FYB2: variants seen among roughly 807,000 people sequenced by gnomAD.
FYB2 encodes FYN binding protein 2, also known as FYN-binding protein 2.
FYB2 carries 103 observed loss-of-function variants against 94.1 expected under a neutral mutation model. The observed-to-expected ratio is 1.09, with a 90% CI of 0.93 to 1.29. The LOEUF (loss-of-function observed/expected upper bound fraction) is 1.29. FYB2 is among the 50% of genes most tolerant of loss of function. FYB2 has a pLI of 0.00. For missense variants in FYB2, 896 were observed against 841.5 expected (o/e 1.06, Z -0.80); for synonymous variants, 293 against 287.9 (o/e 1.02, Z -0.18).
intron 9 of FYB2, among the ~76,000 whole-genome samples, chr1:56,746,833 C>A (rs1235403429): frequency 6.6e-6 from 1 of 151,970 alleles, no homozygotes; most frequent in Non-Finnish European, 1.5e-5. Context: ...ATTGCTAGGT[C>A]ATAGGATATG....
chr1:56,826,810 C>A, the FYB2 span: 6 of 152,196 alleles, frequency 3.9e-5, no homozygotes, highest in African/African-American at 1.4e-4. Context: ...GGCAGTTTCC[C>A]AAGGGCCCCC....
At chr1:56,815,452 C>A (rs1249617968) in intron 1 of FYB2, among the ~76,000 whole-genome samples, 1 of 152,156 alleles carries the variant, frequency 6.6e-6, no homozygotes, top group Non-Finnish European at 1.5e-5. Flanking sequence ...CAAAGCTGAA[C>A]AACTAGATGG....
chr1:56,765,511 A>G (rs748337278), intron 5 of FYB2, among the ~76,000 whole-genome samples: 3 of 152,176 alleles, frequency 2.0e-5, no homozygotes, highest in Non-Finnish European at 4.4e-5. Context: ...CTCCCCATTC[A>G]GCATTGCTGT....
intron 5 of FYB2, chr1:56,761,992 A>G (rs1645505746): frequency 6.6e-6 from 1 of 151,366 alleles, no homozygotes; most frequent in Admixed American, 6.6e-5. Context: ...TGTTTCTTCT[A>G]TTGAGCTGCC....
chr1:56,754,631 C>T (rs1046400469), intron 7 of FYB2, among the ~76,000 whole-genome samples: 3 of 152,038 alleles, frequency 2.0e-5, no homozygotes, highest in African/African-American at 7.2e-5. Flanking sequence ...CTGGTTTTTG[C>T]ACCTCACTTC....
rs202073337 is a variant in FYB2, at chr1:56,792,189, G to A, written c.624C>T (p.Asn208=). The part of the protein sequence containing the change: ...KHVVAPKILH[N]VSEDPSFVIS... ...TTACAAAAGAGGGATCTTCAGAGAC[G>A]TTATGTAATATTTTGGGGGCCACCA... Residue 208 remains asparagine, a synonymous_variant, in exon 2 of 20, where the codon AAC becomes AAT. Transcript: ENST00000343433. 80 of 1,614,056 alleles carry A rather than the reference G, an allele frequency of 5.0e-5. No individual in the cohort carries two copies. Among genetic ancestry groups the A allele is most frequent in the South Asian group, 2.2e-4 (20 of 91,046 alleles).
chr1:56,823,132 A>G (rs1413444912), upstream of FYB2, among the ~76,000 whole-genome samples: 1 of 152,152 alleles, frequency 6.6e-6, no homozygotes, highest in East Asian at 1.9e-4. Context: ...AAGAGATGCT[A>G]TCTCTGGTTG....
chr1:56,755,749 C>T, intron 7 of FYB2, 147 bp downstream of exon 7: 1 of 714,544 alleles, frequency 1.4e-6, no homozygotes, highest in Non-Finnish European at 2.4e-6. Flanking sequence ...ATCACTTCCT[C>T]TGTACTAGGC....
chr1:56,824,454 T>C (rs1386978298), upstream of FYB2: 1 of 152,166 alleles, frequency 6.6e-6, no homozygotes, highest in Non-Finnish European at 1.5e-5. Context: ...ACCATAGCAA[T>C]TGGTATGTGA....
chr1:56,744,096 T>A (rs1645017432), intron 10 of FYB2, 30 bp from the exon 11 acceptor site: 1 of 1,612,604 alleles, frequency 6.2e-7, no homozygotes, highest in Non-Finnish European at 8.5e-7. Context: ...AGACCATTAT[T>A]GTACCTTTAA....
At chr1:56,814,334 C>A (rs565981806) in intron 1 of FYB2, among the ~76,000 whole-genome samples, 65 of 152,298 alleles carry the variant, frequency 4.3e-4, no homozygotes, top group Non-Finnish European at 6.6e-4. Flanking sequence ...TGGCAGTAGA[C>A]TGACATGATC....
At chr1:56,757,809 G>T (rs989200069) in intron 6 of FYB2, among the ~76,000 whole-genome samples, 1 of 143,368 alleles carries the variant, frequency 7.0e-6, no homozygotes, top group Non-Finnish European at 1.5e-5. Flanking sequence ...TCTGTCTACT[G>T]CCCAGGCTAA....
At chr1:56,766,473 G>T (rs974453545) in intron 5 of FYB2, among the ~76,000 whole-genome samples, 2 of 150,458 alleles carry the variant, frequency 1.3e-5, no homozygotes, top group Admixed American at 1.3e-4. Context: ...TCGCTCTGTC[G>T]CCTAGGCTGG....
chr1:56,775,083 T>C (rs1645845113), intron 4 of FYB2, among the ~76,000 whole-genome samples: 1 of 152,116 alleles, frequency 6.6e-6, no homozygotes, highest in African/African-American at 2.4e-5. Context: ...AGATGGCCTA[T>C]TGTGGGACTT....
At chr1:56,753,595 G>A (rs905614900) in intron 8 of FYB2, among the ~76,000 whole-genome samples, 3 of 152,058 alleles carry the variant, frequency 2.0e-5, no homozygotes, top group Non-Finnish European at 4.4e-5. Flanking sequence ...TTGCACCCTG[G>A]GTTTCTTGTT....
chr1:56,802,521 T>G (rs1325375587), intron 1 of FYB2, among the ~76,000 whole-genome samples: 1 of 152,108 alleles, frequency 6.6e-6, no homozygotes, highest in Non-Finnish European at 1.5e-5. Context: ...ATCAAGACAT[T>G]TTAGGCTAAA....
chr1:56,720,852 C>T (rs1569833007), intron 17 of FYB2: 1 of 152,606 alleles, frequency 6.6e-6, no homozygotes, highest in East Asian at 1.9e-4. Context: ...GAGGTTGTAA[C>T]ATAGGTATGA....
Position 56,742,146 on chromosome 1 carries a change from AAG to A in FYB2, c.1604+13_1604+14del, listed in dbSNP as rs1644969495. 6.3e-7 allele frequency: 1 copy of A among 1,596,924 alleles called. No homozygotes were observed. Among genetic ancestry groups the A allele is most frequent in the Non-Finnish European group, 8.6e-7 (1 of 1,166,764 alleles). On this transcript the variant is annotated intron_variant, in intron 12 of 19. Transcript: ENST00000343433. Reference sequence around the variant, plus strand: ...AAGTCATTAGCCTACAAAGCCAAGAAAGAGAGAAACTCACTCTATCTTTGGGT... The same window carrying A: ...AAGTCATTAGCCTACAAAGCCAAGAAAGAGAAACTCACTCTATCTTTGGGT...
At chr1:56,752,097 A>G (rs910288670) in intron 8 of FYB2, among the ~76,000 whole-genome samples, 1 of 151,996 alleles carries the variant, frequency 6.6e-6, no homozygotes, top group African/African-American at 2.4e-5. Flanking sequence ...GGTAGCAAGG[A>G]GGCTGCTGAT....
Sources: allele counts gnomAD v4.1 joint callset (sites outside exome capture counted in the v4.1 genomes callset), GRCh38; gene constraint gnomAD v4.1.1; transcripts MANE v1.5; gene names NCBI Gene and HGNC (gene_info 2026-07-23, HGNC 2026-07-21).